The following RARB variants were observed in gnomAD, a reference collection of about 807,000 sequenced individuals.
RARB encodes HBV-activated protein.
RARB carries 17 observed loss-of-function variants against 51.9 expected under a neutral mutation model. The ratio of observed to expected loss-of-function variants is 0.33; its 90% CI spans 0.22 to 0.49. The LOEUF (loss-of-function observed/expected upper bound fraction) is 0.49. RARB is among the 20% of genes least tolerant of loss of function. RARB has a pLI of 0.99. For synonymous variants in RARB, 215 were observed against 195.4 expected (o/e 1.10, Z -0.84); for missense variants, 369 against 550.8 (o/e 0.67, Z 3.30).
chr3:24,901,366 C>G (rs1387270339), intron 2 of RARB, among the ~76,000 whole-genome samples: 1 of 152,072 alleles, frequency 6.6e-6, no homozygotes, highest in Non-Finnish European at 1.5e-5. Flanking sequence ...AGGAGAACAA[C>G]AGAACAAACC....
intron 4 of RARB, among the ~76,000 whole-genome samples, chr3:25,170,729 C>G (rs1053381761): frequency 1.3e-5 from 2 of 151,690 alleles, no homozygotes; most frequent in Non-Finnish European, 2.9e-5. Flanking sequence ...TTTCATAGAA[C>G]AAAAATAATT....
intron 2 of RARB, among the ~76,000 whole-genome samples, chr3:24,948,736 T>G (rs1309074136): frequency 6.6e-6 from 1 of 152,120 alleles, no homozygotes; most frequent in African/African-American, 2.4e-5. Flanking sequence ...ACTATCTTCT[T>G]GGTGATGAAT....
chr3:25,172,536 C>T (rs1225659398), intron 4 of RARB, among the ~76,000 whole-genome samples: 1 of 152,204 alleles, frequency 6.6e-6, no homozygotes, highest in Non-Finnish European at 1.5e-5. Flanking sequence ...AACTGACTCA[C>T]TTCAAAAACT....
intron 2 of RARB, among the ~76,000 whole-genome samples, chr3:25,467,334 TCTTGGCTGA>T (rs1309697986): frequency 1.3e-5 from 2 of 152,264 alleles, no homozygotes; most frequent in Non-Finnish European, 1.5e-5. Flanking sequence ...GGTCTTCTTG[TCTTGGCTGA>T]CTTGGCTTGG....
intron 3 of RARB, among the ~76,000 whole-genome samples, chr3:25,524,887 A>G (rs1466833676): frequency 6.6e-6 from 1 of 151,380 alleles, no homozygotes; most frequent in Non-Finnish European, 1.5e-5. Flanking sequence ...TCACCATCAC[A>G]CCCAGCTAAT....
At chr3:24,869,262 T>C (rs1442803532) in intron 2 of RARB, among the ~76,000 whole-genome samples, 2 of 152,174 alleles carry the variant, frequency 1.3e-5, no homozygotes, top group Admixed American at 1.3e-4. Context: ...GGTTTACAAA[T>C]CTGGTCAACT....
At chr3:25,261,453 A>C (rs908501988) in intron 5 of RARB, among the ~76,000 whole-genome samples, 1 of 151,970 alleles carries the variant, frequency 6.6e-6, no homozygotes, top group African/African-American at 2.4e-5. Context: ...CTGAGGTTCT[A>C]TTTTCAGCCT....
At chr3:25,336,618 C>A (rs550282274) in intron 5 of RARB, among the ~76,000 whole-genome samples, 5 of 152,230 alleles carry the variant, frequency 3.3e-5, no homozygotes, top group African/African-American at 1.2e-4. Context: ...GATGTTCCTT[C>A]CTCTCTGCCC....
chr3:25,454,950 C>T (rs1694838945), intron 1 of RARB, among the ~76,000 whole-genome samples: 1 of 152,198 alleles, frequency 6.6e-6, no homozygotes, highest in Non-Finnish European at 1.5e-5. Context: ...AACCCAAGAG[C>T]TGTGGCAGTG....
rs73147380 is a variant in RARB, at chr3:25,206,697, G to A, written c.178+32122G>A. ...CAATGAAACACACAAAAATTATGTT[G>A]GGGTTATTCTTTCTGGAAAAAATGT... is the stretch of plus-strand genomic sequence containing the variant. On this transcript the variant is annotated intron_variant, in intron 5 of 11. Transcript: ENST00000383772. Among the ~76,000 whole-genome samples, 688 of 152,222 alleles carry A rather than the reference G, an allele frequency of 4.5e-3. 8 individuals are homozygous for A. Among genetic ancestry groups the A allele is most frequent in the African/African-American group, 0.016 (645 of 41,546 alleles).
chr3:24,958,306 T>C (rs1176331503), intron 2 of RARB, among the ~76,000 whole-genome samples: 2 of 126,858 alleles, frequency 1.6e-5, no homozygotes, highest in African/African-American at 2.9e-5. Context: ...CATGGAGCCC[T>C]CAGGGAACTT....
intron 4 of RARB, among the ~76,000 whole-genome samples, chr3:25,166,069 G>A (rs1384913320): frequency 6.6e-6 from 1 of 151,592 alleles, no homozygotes; most frequent in East Asian, 1.9e-4. Context: ...CTCACTCGGT[G>A]GTCTAAGACT....
At chr3:25,326,593 AG>A (rs1704722536) in intron 5 of RARB, among the ~76,000 whole-genome samples, 1 of 152,208 alleles carries the variant, frequency 6.6e-6, no homozygotes, top group Admixed American at 6.5e-5. Context: ...ACACCTTAAA[AG>A]TCCAACTGTT....
intron 5 of RARB, among the ~76,000 whole-genome samples, chr3:25,288,301 C>G (rs322681): frequency 0.43 from 65,649 of 151,966 alleles, 15,441 homozygotes; most frequent in African/African-American, 0.61. Flanking sequence ...CAAAAGAAAT[C>G]ATCTAGTGAA....
chr3:25,357,645 G>T (rs558974909), intron 5 of RARB, among the ~76,000 whole-genome samples: 9 of 152,248 alleles, frequency 5.9e-5, no homozygotes, highest in African/African-American at 2.2e-4. Flanking sequence ...ATGGTTTTAG[G>T]TCTTACATTT....
In RARB at chr3:25,313,922, T is replaced by A. The variant is rs561433747; in HGVS notation, c.178+139347T>A. On this transcript the variant is annotated intron_variant, in intron 5 of 11. Coordinates refer to the RARB transcript ENST00000383772. Reference sequence around the variant, plus strand: ...TCATCTCTACAAAAAAGAAAAAAAATTAGCTAGGTGTGATGGTATGCATCT... The same window carrying A: ...TCATCTCTACAAAAAAGAAAAAAAAATAGCTAGGTGTGATGGTATGCATCT... Among the ~76,000 whole-genome samples, 9 of 151,706 alleles carry A rather than the reference T, an allele frequency of 5.9e-5. No homozygotes were observed. The South Asian group carries it at 1.5e-3, about 25-fold the overall frequency.
chr3:25,117,191 C>T (rs1390746261), intron 3 of RARB, among the ~76,000 whole-genome samples: 1 of 152,130 alleles, frequency 6.6e-6, no homozygotes, highest in Non-Finnish European at 1.5e-5. Context: ...TGGCAGAGAA[C>T]AAACTGTTCA....
intron 2 of RARB, among the ~76,000 whole-genome samples, chr3:24,888,420 TA>T (rs1345825589): frequency 8.5e-5 from 13 of 152,290 alleles, no homozygotes; most frequent in African/African-American, 3.1e-4. Context: ...TTTTTATTTT[TA>T]TTTTTTTATT....
chr3:25,215,507 G>A (rs925341486), intron 5 of RARB, among the ~76,000 whole-genome samples: 38 of 152,238 alleles, frequency 2.5e-4, no homozygotes, highest in African/African-American at 9.1e-4. Context: ...ACTCTGGCGG[G>A]GTCATCTGTA....
Sources: allele counts gnomAD v4.1 joint callset (sites outside exome capture counted in the v4.1 genomes callset), GRCh38; gene constraint gnomAD v4.1.1; transcripts MANE v1.5; gene names NCBI Gene and HGNC (gene_info 2026-07-23, HGNC 2026-07-21).